SPNS3: variants seen among roughly 807,000 people sequenced by gnomAD.
SPNS3 encodes the protein SPNS lysolipid transporter 3, sphingosine-1-phosphate (putative), also known as protein spinster homolog 3.
In SPNS3, 51 loss-of-function variants were observed where a neutral mutation model predicts 54.4. The ratio of observed to expected loss-of-function variants is 0.94; its 90% CI spans 0.75 to 1.18. The LOEUF (loss-of-function observed/expected upper bound fraction) is 1.18, where lower values mean the gene tolerates loss of function less well. Ranked by LOEUF, SPNS3 falls within the 50% of genes most tolerant of loss-of-function variation. SPNS3 has a pLI of 0.00. For missense variants in SPNS3, 669 were observed against 677.4 expected (o/e 0.99, Z 0.14); for synonymous variants, 309 against 294.7 (o/e 1.05, Z -0.50).
chr17:4,461,361 CTTTTTTTTTTTTTTT>C (rs55928003), intron 8 of SPNS3, among the ~76,000 whole-genome samples: 3 of 33,394 alleles, frequency 9.0e-5, no homozygotes, highest in African/African-American at 3.0e-4. Context: ...CTTTTCTTTT[CTTTTTTTTTTTTTTT>C]TTTTTTTTTT....
At chr17:4,455,406 G>A (rs549686266) in intron 8 of SPNS3, among the ~76,000 whole-genome samples, 5 of 152,202 alleles carry the variant, frequency 3.3e-5, no homozygotes, top group Non-Finnish European at 7.3e-5. Context: ...GCCTGTGTCC[G>A]GAGCTGTTTC....
chr17:4,456,354 T>A (rs1971314909), intron 8 of SPNS3, among the ~76,000 whole-genome samples: 1 of 152,174 alleles, frequency 6.6e-6, no homozygotes, highest in Admixed American at 6.5e-5. Flanking sequence ...GTCCTGAAGG[T>A]GTGCTGGCAC....
intron 9 of SPNS3, among the ~76,000 whole-genome samples, chr17:4,485,373 G>T (rs775891799): frequency 6.6e-6 from 1 of 152,050 alleles, no homozygotes; most frequent in African/African-American, 2.4e-5. Flanking sequence ...ACCTGAGTGT[G>T]TGACACCAGA....
intron 9 of SPNS3, chr17:4,482,200 T>C (rs915829453): frequency 6.6e-6 from 1 of 152,258 alleles, no homozygotes; most frequent in Non-Finnish European, 1.5e-5. Flanking sequence ...CACTGTTCTC[T>C]TTGATGCCAT....
chr17:4,451,641 C>T (rs760231047), intron 7 of SPNS3, among the ~76,000 whole-genome samples: 2 of 151,790 alleles, frequency 1.3e-5, no homozygotes, highest in Non-Finnish European at 2.9e-5. Context: ...ACAGTCTCAG[C>T]GTTCCCTTTG....
intron 8 of SPNS3, among the ~76,000 whole-genome samples, chr17:4,476,118 G>C (rs1971990879): frequency 6.6e-6 from 1 of 152,328 alleles, no homozygotes; most frequent in East Asian, 1.9e-4. Context: ...GCCCCTCCTG[G>C]AGCTGAGTCA....
intron 8 of SPNS3, among the ~76,000 whole-genome samples, chr17:4,472,852 G>A (rs1372422800): frequency 8.0e-6 from 1 of 125,330 alleles, no homozygotes; most frequent in African/African-American, 3.0e-5. Context: ...GCAGTGGTGT[G>A]ATCATGGCTC....
At chr17:4,467,434 G>A (rs909695987) in intron 8 of SPNS3, among the ~76,000 whole-genome samples, 4 of 152,080 alleles carry the variant, frequency 2.6e-5, no homozygotes. Context: ...CTTTCATCTG[G>A]ATGATTACTG....
intron 8 of SPNS3, among the ~76,000 whole-genome samples, chr17:4,458,402 C>A (rs1971373357): frequency 2.2e-5 from 3 of 137,844 alleles, no homozygotes; most frequent in Non-Finnish European, 4.7e-5. Context: ...TTCTTTCTTT[C>A]TTTCCATTTT....
intron 9 of SPNS3, among the ~76,000 whole-genome samples, chr17:4,480,841 A>G (rs2144218379): frequency 6.6e-6 from 1 of 151,808 alleles, no homozygotes; most frequent in East Asian, 2.0e-4. Context: ...ACCATCCCAG[A>G]GCCTCCCGCC....
intron 2 of SPNS3, among the ~76,000 whole-genome samples, chr17:4,440,158 A>G (rs1021631810): frequency 1.3e-5 from 2 of 152,126 alleles, no homozygotes; most frequent in Non-Finnish European, 1.5e-5. Flanking sequence ...ATCCCCCCAC[A>G]TGGGCTCAGA....
intron 2 of SPNS3, among the ~76,000 whole-genome samples, chr17:4,443,477 C>A (rs1261656748): frequency 1.3e-5 from 2 of 152,220 alleles, no homozygotes; most frequent in African/African-American, 4.8e-5. Context: ...AAGCTAAACA[C>A]TTCCGTATGA....
intron 8 of SPNS3, among the ~76,000 whole-genome samples, chr17:4,458,641 CTTTCT>C (rs1567564072): frequency 3.2e-5 from 4 of 123,790 alleles, no homozygotes; most frequent in South Asian, 5.1e-4. Flanking sequence ...TTCTTTCTTT[CTTTCT>C]TTCCTTCCTT....
intron 8 of SPNS3, among the ~76,000 whole-genome samples, chr17:4,454,410 C>T (rs550832125): frequency 2.0e-4 from 30 of 152,352 alleles, no homozygotes; most frequent in African/African-American, 5.8e-4. Context: ...GACACAGATG[C>T]GCTTGCACAT....
intron 9 of SPNS3, among the ~76,000 whole-genome samples, chr17:4,479,177 G>A (rs2144209079): frequency 6.6e-6 from 1 of 152,300 alleles, no homozygotes; most frequent in South Asian, 2.1e-4. Flanking sequence ...CTGACCTCAG[G>A]TGATCTGCCC....
intron 2 of SPNS3, among the ~76,000 whole-genome samples, chr17:4,443,654 T>G (rs1434045886): frequency 6.6e-6 from 1 of 152,248 alleles, no homozygotes; most frequent in African/African-American, 2.4e-5. Flanking sequence ...AGTTAAGGAA[T>G]CTACCAAAGG....
chr17:4,474,360 C>A (rs1426022711), intron 8 of SPNS3, among the ~76,000 whole-genome samples: 3 of 152,168 alleles, frequency 2.0e-5, no homozygotes, highest in African/African-American at 7.2e-5. Flanking sequence ...TGTCCTGGGG[C>A]CTGTGTCCTG....
Position 4,488,091 on chromosome 17 carries a change from G to A in SPNS3, c.*197G>A, listed in dbSNP as rs1306795963. The A allele has an allele frequency of 1.7e-6, 1 of 597,804 alleles. No individual in the cohort carries two copies. The highest frequency in any genetic ancestry group is 3.0e-6 in the Non-Finnish European group (1 of 337,566). The allele number at this position is 597,804 out of a possible 1,614,324, so 37.0% of individuals were successfully genotyped here. ...GTCAGCACTCTGCGTGGGAGGCCTGGGCCTGTGCCTGCATCCCGCTCAAGG... is the reference window on the plus strand; with the variant it reads ...GTCAGCACTCTGCGTGGGAGGCCTGAGCCTGTGCCTGCATCCCGCTCAAGG... On this transcript the variant is annotated 3_prime_UTR_variant, in exon 12 of 12. Transcript: ENST00000355530.
intron 6 of SPNS3, among the ~76,000 whole-genome samples, 195 bp downstream of exon 6, chr17:4,448,498 C>T (rs1372689407): frequency 2.0e-5 from 3 of 152,200 alleles, no homozygotes; most frequent in Non-Finnish European, 4.4e-5. Context: ...CATCACCTTG[C>T]CATGTGACAG....
Sources: gnomAD v4.1 joint callset for allele counts (sites outside exome capture counted in the v4.1 genomes callset) on GRCh38, gnomAD v4.1.1 for gene constraint, MANE v1.5 for transcripts, NCBI Gene and HGNC (gene_info 2026-07-23, HGNC 2026-07-21) for gene names.